ANKS1B: variants seen among roughly 807,000 people sequenced by gnomAD.
The protein encoded by ANKS1B is ankyrin repeat and sterile alpha motif domain containing 1B, also known as ankyrin repeat and sterile alpha motif domain-containing protein 1B.
A neutral mutation model predicts 148.3 loss-of-function variants in ANKS1B; 36 were observed. That is an observed-to-expected ratio of 0.24 (90% CI 0.19 to 0.32). ANKS1B has a LOEUF of 0.32. Ranked by LOEUF, ANKS1B falls within the 10% of genes least tolerant of loss-of-function variation. The pLI is 1.00. For synonymous variants in ANKS1B, 542 were observed against 560.8 expected (o/e 0.97, Z 0.47); for missense variants, 1,157 against 1,542.6 (o/e 0.75, Z 4.19).
intron 1 of ANKS1B, among the ~76,000 whole-genome samples, chr12:99,840,372 G>T (rs2085520309): frequency 6.6e-6 from 1 of 152,212 alleles, no homozygotes; most frequent in East Asian, 1.9e-4. Context: ...TGGCCATTCT[G>T]ACTTTGGCCT....
Position 99,841,372 on chromosome 12 carries a change from T to C in ANKS1B, c.135-15983A>G, listed in dbSNP as rs59183173. ...ATCTCTACACTACTGGAAGTAAATT[T>C]ATCTACTTATGGTGTATTTTTTTAA... On this transcript the variant is annotated intron_variant, in intron 1 of 26. Coordinates refer to ENST00000683438, the MANE Select transcript of ANKS1B (RefSeq NM_001352186.2). Among the ~76,000 whole-genome samples the C allele has an allele frequency of 8.1e-3, 1,226 of 152,208 alleles. 15 individuals are homozygous for C. Among genetic ancestry groups the C allele is most frequent in the African/African-American group, 0.028 (1,160 of 41,532 alleles).
intron 9 of ANKS1B, among the ~76,000 whole-genome samples, chr12:99,603,144 C>T (rs956121252): frequency 5.3e-5 from 8 of 152,014 alleles, no homozygotes; most frequent in Non-Finnish European, 8.8e-5. Context: ...TGGGTTCAAG[C>T]GATTCCCCTG....
intron 12 of ANKS1B, among the ~76,000 whole-genome samples, chr12:99,385,793 C>T (rs1055734931): frequency 9.9e-5 from 15 of 152,134 alleles, no homozygotes; most frequent in Non-Finnish European, 1.5e-5. Flanking sequence ...CAGACCTGAA[C>T]ATTTCCTTCA....
At chr12:98,942,032 A>G (rs2099837609) in intron 17 of ANKS1B, among the ~76,000 whole-genome samples, 1 of 152,138 alleles carries the variant, frequency 6.6e-6, no homozygotes, top group Non-Finnish European at 1.5e-5. Context: ...TGCAAGGTCA[A>G]GAGTTTGAGA....
At chr12:99,281,356 G>A (rs1413914921) in intron 12 of ANKS1B, among the ~76,000 whole-genome samples, 2 of 152,184 alleles carry the variant, frequency 1.3e-5, no homozygotes, top group Non-Finnish European at 2.9e-5. Context: ...TCAGTGGAAT[G>A]AATACCTCTT....
At chr12:98,914,976 T>C (rs2099792196) in intron 17 of ANKS1B, among the ~76,000 whole-genome samples, 1 of 152,216 alleles carries the variant, frequency 6.6e-6, no homozygotes, top group South Asian at 2.1e-4. Context: ...GTAAGCTAAA[T>C]GAGGGCAGGC....
intron 11 of ANKS1B, among the ~76,000 whole-genome samples, chr12:99,439,290 T>G (rs1375910474): frequency 6.6e-6 from 1 of 151,618 alleles, no homozygotes; most frequent in African/African-American, 2.4e-5. Context: ...CATAGAAGAA[T>G]AAAATGATAC....
chr12:99,092,982 G>T (rs1566020741), intron 15 of ANKS1B, among the ~76,000 whole-genome samples: 1 of 152,108 alleles, frequency 6.6e-6, no homozygotes, highest in Non-Finnish European at 1.5e-5. Context: ...ATGGATCTGG[G>T]ATCTGTGTTT....
intron 17 of ANKS1B, among the ~76,000 whole-genome samples, chr12:98,883,923 G>T (rs2152539365): frequency 6.6e-6 from 1 of 152,224 alleles, no homozygotes; most frequent in Admixed American, 6.5e-5. Flanking sequence ...TTTTCACTAA[G>T]CACATTACCT....
chr12:99,313,544 C>A (rs1295065278), intron 12 of ANKS1B, among the ~76,000 whole-genome samples: 2 of 152,150 alleles, frequency 1.3e-5, no homozygotes, highest in African/African-American at 4.8e-5. Context: ...CCGAATCCAG[C>A]AGCACATCAA....
At chr12:98,887,527 T>TA (rs1188823926) in intron 17 of ANKS1B, among the ~76,000 whole-genome samples, 3 of 152,210 alleles carry the variant, frequency 2.0e-5, no homozygotes, top group African/African-American at 7.2e-5. Flanking sequence ...GGGAAAATAA[T>TA]AACTCCCATA....
chr12:99,761,820 T>C (rs1217400241), intron 8 of ANKS1B, among the ~76,000 whole-genome samples: 1 of 152,116 alleles, frequency 6.6e-6, no homozygotes, highest in East Asian at 1.9e-4. Context: ...AAAAAGCTGT[T>C]GAAACTTATA....
chr12:98,921,711 TA>T (rs1472560708), intron 17 of ANKS1B, among the ~76,000 whole-genome samples: 3 of 152,270 alleles, frequency 2.0e-5, no homozygotes, highest in Non-Finnish European at 4.4e-5. Flanking sequence ...TTGATTATAA[TA>T]AATATCTTCT....
intron 12 of ANKS1B, among the ~76,000 whole-genome samples, chr12:99,276,231 T>C (rs1322001849): frequency 3.3e-5 from 5 of 152,196 alleles, no homozygotes; most frequent in East Asian, 1.9e-4. Flanking sequence ...ACTAGACGGT[T>C]TGGGACATTA....
At chr12:99,918,572 C>T (rs1048013348) in intron 1 of ANKS1B, among the ~76,000 whole-genome samples, 2 of 152,208 alleles carry the variant, frequency 1.3e-5, no homozygotes, top group East Asian at 3.9e-4. Context: ...AGAACTTGAC[C>T]CTGGGCAGTC....
At chr12:99,445,861 A>G (rs2095628994) in intron 10 of ANKS1B, among the ~76,000 whole-genome samples, 1 of 151,878 alleles carries the variant, frequency 6.6e-6, no homozygotes, top group Admixed American at 6.6e-5. Flanking sequence ...ATCTGGGACT[A>G]CAGGTGCACA....
At chr12:99,023,853 A>C (rs2099947222) in intron 17 of ANKS1B, among the ~76,000 whole-genome samples, 1 of 149,466 alleles carries the variant, frequency 6.7e-6, no homozygotes, top group African/African-American at 2.4e-5. Context: ...TGTATATATT[A>C]TAGATAAAAG....
chr12:99,640,169 C>T (rs1411725856), intron 9 of ANKS1B, among the ~76,000 whole-genome samples: 1 of 152,008 alleles, frequency 6.6e-6, no homozygotes, highest in African/African-American at 2.4e-5. Flanking sequence ...AAAACTCCAT[C>T]TCAAAATAAA....
chr12:99,240,222 T>A (rs534877218), intron 14 of ANKS1B, among the ~76,000 whole-genome samples: 1 of 152,232 alleles, frequency 6.6e-6, no homozygotes, highest in South Asian at 2.1e-4. Flanking sequence ...GAGGAAGATC[T>A]ACCAAGCAAA....
Sources: gnomAD v4.1 joint callset for allele counts (sites outside exome capture counted in the v4.1 genomes callset) on GRCh38, gnomAD v4.1.1 for gene constraint, MANE v1.5 for transcripts, NCBI Gene and HGNC (gene_info 2026-07-23, HGNC 2026-07-21) for gene names.